SND1: variants seen among roughly 807,000 people sequenced by gnomAD.
SND1 encodes the protein staphylococcal nuclease and tudor domain containing 1.
SND1 carries 38 observed loss-of-function variants against 121.7 expected under a neutral mutation model. The ratio of observed to expected loss-of-function variants is 0.31; its 90% CI spans 0.24 to 0.41. The LOEUF (loss-of-function observed/expected upper bound fraction) is 0.41, where lower values mean the gene tolerates loss of function less well. SND1 is among the 10% of genes least tolerant of loss of function. SND1 has a pLI of 1.00. For missense variants in SND1, 868 were observed against 1,184.6 expected (o/e 0.73, Z 3.92); for synonymous variants, 401 against 447.4 (o/e 0.90, Z 1.31).
chr7:127,728,472 C>T (rs1401956016), intron 10 of SND1, among the ~76,000 whole-genome samples: 1 of 152,066 alleles, frequency 6.6e-6, no homozygotes, highest in East Asian at 1.9e-4. Flanking sequence ...TATTCACTGC[C>T]CTGTGAGCAT....
chr7:127,740,446 TC>T (rs1481856934), intron 10 of SND1, among the ~76,000 whole-genome samples: 1 of 151,756 alleles, frequency 6.6e-6, no homozygotes, highest in Non-Finnish European at 1.5e-5. Flanking sequence ...AAAATTAGAG[TC>T]CCCAAAGAAT....
intron 11 of SND1, among the ~76,000 whole-genome samples, chr7:127,832,160 G>A (rs1798752906): frequency 1.3e-5 from 2 of 152,190 alleles, no homozygotes; most frequent in South Asian, 4.1e-4. Context: ...TAACTCATGA[G>A]ATTTAAGATT....
Position 127,777,490 on chromosome 7 carries a change from A to G in SND1, c.1153-29994A>G, listed in dbSNP as rs147266421. Reference sequence around the variant, plus strand: ...CTTCCGTCTTAATTGGATAAATTGAAGAGGAAGTTTGGTTGTCCATATTTG... The same window carrying G: ...CTTCCGTCTTAATTGGATAAATTGAGGAGGAAGTTTGGTTGTCCATATTTG... On this transcript the variant is annotated intron_variant, in intron 10 of 23. Coordinates refer to ENST00000354725, the MANE Select transcript of SND1 (RefSeq NM_014390.4). Among the ~76,000 whole-genome samples, 144 of 152,308 alleles carry G rather than the reference A, an allele frequency of 9.5e-4. 1 individual carries two copies. The highest frequency in any genetic ancestry group is 8.1e-3 in the East Asian group (42 of 5,182).
chr7:127,986,007 G>A (rs760526698), intron 15 of SND1, among the ~76,000 whole-genome samples: 1 of 152,180 alleles, frequency 6.6e-6, no homozygotes, highest in African/African-American at 2.4e-5. Flanking sequence ...CTGGGAAGCT[G>A]TCACATACTT....
intron 10 of SND1, among the ~76,000 whole-genome samples, chr7:127,800,657 C>G (rs1479133963): frequency 6.6e-6 from 1 of 152,138 alleles, no homozygotes; most frequent in Admixed American, 6.5e-5. Context: ...AATAACATAA[C>G]AAACATCTGG....
chr7:127,666,198 G>A (rs1014049841), intron 1 of SND1, among the ~76,000 whole-genome samples: 6 of 152,132 alleles, frequency 3.9e-5, no homozygotes, highest in Middle Eastern at 3.2e-3. Context: ...CCTTGTATTC[G>A]GCCCCTGAAC....
chr7:127,751,167 C>T lies in SND1; in HGVS notation c.1152+29767C>T, dbSNP rs114525398. Among the ~76,000 whole-genome samples the T allele has an allele frequency of 4.5e-3, 689 of 151,850 alleles. 9 individuals carry two copies. Among genetic ancestry groups the T allele is most frequent in the African/African-American group, 0.014 (596 of 41,422 alleles). Reference sequence around the variant, plus strand: ...TAGGGTGTGTGTGTGTGTGTGTGCGCGCGTGCTGAAAGCCATTCAGTCTTC... The same window carrying T: ...TAGGGTGTGTGTGTGTGTGTGTGCGTGCGTGCTGAAAGCCATTCAGTCTTC... On this transcript the variant is annotated intron_variant, in intron 10 of 23. Transcript: ENST00000354725.
chr7:127,865,929 T>A (rs57103099), intron 12 of SND1, among the ~76,000 whole-genome samples: 32,130 of 150,584 alleles, frequency 0.21, 4,155 homozygotes, highest in African/African-American at 0.37. Flanking sequence ...TTTTTTTTTT[T>A]ACCACATACC....
intron 1 of SND1, among the ~76,000 whole-genome samples, chr7:127,682,394 G>T (rs999670837): frequency 6.6e-6 from 1 of 152,176 alleles, no homozygotes; most frequent in African/African-American, 2.4e-5. Flanking sequence ...TTTATTGGCA[G>T]AACTGAGAAA....
At chr7:127,868,992 C>T (rs1404234408) in intron 12 of SND1, among the ~76,000 whole-genome samples, 1 of 151,938 alleles carries the variant, frequency 6.6e-6, no homozygotes, top group Non-Finnish European at 1.5e-5. Flanking sequence ...CACTTTCGTT[C>T]CAATGGGGGC....
intron 12 of SND1, among the ~76,000 whole-genome samples, chr7:127,872,512 T>C (rs917387075): frequency 2.1e-4 from 32 of 152,156 alleles, no homozygotes; most frequent in Non-Finnish European, 4.7e-4. Flanking sequence ...TACATTTGTT[T>C]TGTTGTGCTC....
At chr7:127,671,018 C>T (rs1795506289) in intron 1 of SND1, among the ~76,000 whole-genome samples, 2 of 152,130 alleles carry the variant, frequency 1.3e-5, no homozygotes, top group South Asian at 2.1e-4. Flanking sequence ...GCATGGATCA[C>T]ACAGAAAGAT....
intron 3 of SND1, among the ~76,000 whole-genome samples, chr7:127,698,170 C>G (rs540428540): frequency 2.0e-5 from 3 of 152,260 alleles, no homozygotes; most frequent in African/African-American, 7.2e-5. Flanking sequence ...TGTGTTCTCT[C>G]AGTATCCCTA....
chr7:127,757,085 C>T (rs1433549106), intron 10 of SND1, among the ~76,000 whole-genome samples: 1 of 152,036 alleles, frequency 6.6e-6, no homozygotes, highest in East Asian at 1.9e-4. Flanking sequence ...CAAAAATTTC[C>T]CTCATGTCCA....
chr7:127,850,093 G>A (rs1028749929), intron 12 of SND1, among the ~76,000 whole-genome samples: 1 of 152,142 alleles, frequency 6.6e-6, no homozygotes, highest in African/African-American at 2.4e-5. Context: ...AATTTGCAGG[G>A]ATACTTTTTT....
At chr7:128,004,984 C>T (rs1485362063) in intron 16 of SND1, among the ~76,000 whole-genome samples, 1 of 152,186 alleles carries the variant, frequency 6.6e-6, no homozygotes, top group Admixed American at 6.5e-5. Flanking sequence ...ATAGCTTTGC[C>T]TTATTTGCTG....
intron 14 of SND1, among the ~76,000 whole-genome samples, chr7:127,918,749 A>C (rs865799165): frequency 1.3e-5 from 2 of 152,168 alleles, no homozygotes; most frequent in Non-Finnish European, 2.9e-5. Flanking sequence ...TTTTCTTCTC[A>C]TAAACATTTG....
rs1054506587 is a variant in SND1 at position 127,718,563 on chromosome 7, G to A, written c.1039-2724G>A. The A allele has an allele frequency of 1.3e-5, 13 of 985,278 alleles. No homozygotes were observed. The African/African-American group carries it at 2.3e-4, about 17-fold the overall frequency. The allele number at this position is 985,278 out of a possible 1,614,324, so 61.0% of individuals were successfully genotyped here. A position where few individuals can be genotyped will look rare whatever the true frequency, so the allele number is the denominator to read the frequency against. ...CTTGCTTAGCTGGCAGTGGCAGAGTGCACAGTTCCTGAAGAGGAGGTTTCT... is the reference window on the plus strand; with the variant it reads ...CTTGCTTAGCTGGCAGTGGCAGAGTACACAGTTCCTGAAGAGGAGGTTTCT... On this transcript the variant is annotated intron_variant, in intron 9 of 23. Transcript: ENST00000354725.
intron 16 of SND1, among the ~76,000 whole-genome samples, chr7:128,034,223 G>A (rs1003795525): frequency 6.6e-6 from 1 of 152,192 alleles, no homozygotes; most frequent in African/African-American, 2.4e-5. Context: ...CTGTAGGAAA[G>A]TTCAGTGAAG....
Sources: allele counts gnomAD v4.1 joint callset (sites outside exome capture counted in the v4.1 genomes callset), GRCh38; gene constraint gnomAD v4.1.1; transcripts MANE v1.5; gene names NCBI Gene and HGNC (gene_info 2026-07-23, HGNC 2026-07-21).